Variants in FLG observed in about 807,000 individuals in gnomAD.
The protein encoded by FLG is epidermal filaggrin.
FLG carries 6 observed loss-of-function variants against 3.8 expected under a neutral mutation model. That is an observed-to-expected ratio of 1.60 (90% CI 0.87 to 3.15). The LOEUF (loss-of-function observed/expected upper bound fraction) is 3.15. Ranked by LOEUF, FLG falls within the 30% of genes most tolerant of loss-of-function variation. The pLI is 0.00. For synonymous variants in FLG, 2,551 were observed against 1,931.6 expected (o/e 1.32, Z -8.41); for missense variants, 7,595 against 5,050.9 (o/e 1.50, Z -15.27).
rs775764952 is a variant in FLG, at chr1:152,307,727, C to T, written c.7159G>A (p.Gly2387Arg). ...CTCTGCTGATGGGGCCCAGCCTGTC[C>T]GTGGGCTGACACTGACTGTGTGTCT... Reference protein sequence around the residue: ...DSDTQSVSAHGQAGPHQQSHQ... With the variant: ...DSDTQSVSAHRQAGPHQQSHQ... Residue 2387 changes from glycine (G) to arginine (R), a missense_variant, in exon 3 of 3, where the codon GGA becomes AGA. By Grantham distance (125) the Gly-to-Arg change is moderately radical (BLOSUM62 -2). Coordinates refer to ENST00000368799, the MANE Select transcript of FLG (RefSeq NM_002016.2). The T allele has an allele frequency of 1.4e-5, 23 of 1,613,274 alleles. No homozygotes were observed. The highest frequency in any genetic ancestry group is 3.3e-5 in the Admixed American group (2 of 59,930).
Position 152,304,823 on chromosome 1 carries a change from C to A in FLG, c.10063G>T (p.Val3355Leu), listed in dbSNP as rs1570895647. 1.2e-6 allele frequency: 2 copies of A among 1,613,836 alleles called. No individual in the cohort carries two copies. Among genetic ancestry groups the A allele is most frequent in the Non-Finnish European group, 1.7e-6 (2 of 1,180,006 alleles). The part of the protein sequence containing the change: ...GHSEESDTQS[V>L]SGHGQAGPHQ... ...GGCCCAGCCTGTCCATGGCCTGACA[C>A]TGACTGTGTGTCTGACTCTTCTGAA... Residue 3355 changes from valine to leucine, a missense_variant, in exon 3 of 3, where the codon GTG becomes TTG. By Grantham distance (32) the Val-to-Leu change is conservative. Transcript: ENST00000368799.
rs961085366 is a variant in FLG at position 152,312,375 on chromosome 1, A to T, written c.2511T>A (p.Gly837=). Residue 837 remains glycine, a synonymous_variant, in exon 3 of 3, where the codon GGT becomes GGA. Transcript: ENST00000368799. ...CCGGGTGTCCACGAATGGTGTCCTG[A>T]CCATCTTGGGATGCTGAGTGCCTGG... ...DNSRHSASQD[G]QDTIRGHPGS... 6.2e-7 allele frequency: 1 copy of T among 1,611,818 alleles called. No individual in the cohort carries two copies.
In FLG at chr1:152,314,034, C is replaced by T. The variant is rs1291664152; in HGVS notation, c.852G>A (p.Leu284=). Residue 284 remains leucine, a synonymous_variant, in exon 3 of 3, where the codon TTG becomes TTA. Coordinates refer to ENST00000368799, the MANE Select transcript of FLG (RefSeq NM_002016.2). ...SRHENTSQVP[L]QESRTRKRRG... ...TACGCTTTCTTGTCCTGGACTCCTG[C>T]AATGGTACCTGGCTTGTATTTTCAT... The T allele has an allele frequency of 6.2e-7, 1 of 1,614,210 alleles. No homozygotes were observed. Among genetic ancestry groups the T allele is most frequent in the Admixed American group, 1.7e-5 (1 of 60,022 alleles).
Position 152,307,085 on chromosome 1 carries a change from C to T in FLG, c.7801G>A (p.Asp2601Asn), listed in dbSNP as rs146849256. ...HHGSAQEQLR[D>N]GSRHPRSHQE... ...TGGGACCTGGGGTGTCTGGAGCCATCTCTTAGCTGCTCCTGAGCAGATCCA... is the reference window on the plus strand; with the variant it reads ...TGGGACCTGGGGTGTCTGGAGCCATTTCTTAGCTGCTCCTGAGCAGATCCA... Residue 2601 changes from aspartate to asparagine, a missense_variant, in exon 3 of 3, where the codon GAT (aspartate) becomes AAT (asparagine). By Grantham distance (23) the Asp-to-Asn change is conservative (BLOSUM62 1). Transcript: ENST00000368799. The T allele has an allele frequency of 1.6e-3, 2,643 of 1,610,448 alleles. 4 individuals are homozygous for T. The highest frequency in any genetic ancestry group is 2.1e-3 in the Non-Finnish European group (2,462 of 1,179,674).
chr1:152,314,829 A>G, intron 2 of FLG, 82 bp from the exon 3 acceptor site: 12 of 1,566,774 alleles, frequency 7.7e-6, no homozygotes, highest in East Asian at 2.2e-5. Context: ...TAATTTAAGG[A>G]ACCTGATCTT....
rs1652083853 is a variant in FLG, at chr1:152,307,806, G to C, written c.7080C>G (p.His2360Gln). The change falls in exon 3 of 3, where the codon CAC (histidine) becomes CAG (glutamine). Residue 2360 changes from histidine to glutamine, a missense_variant. Physicochemically the swap from His to Gln is conservative, Grantham distance 24. Coordinates refer to ENST00000368799, the MANE Select transcript of FLG (RefSeq NM_002016.2). Reference sequence around the variant, plus strand: ...TGGCCTGACTACCACTGGACCCTCGGTGTCCACTGTCTCTGACTGCAGATG... The same window carrying C: ...TGGCCTGACTACCACTGGACCCTCGCTGTCCACTGTCTCTGACTGCAGATG... ...QASSAVRDSG[H>Q]RGSSGSQASD... is the part of the protein sequence containing the mutation. 1.9e-6 allele frequency: 3 copies of C among 1,613,334 alleles called. No homozygotes were observed. The highest frequency in any genetic ancestry group is 2.7e-5 in the African/African-American group (2 of 74,646).
rs967493717 is a variant in FLG, at chr1:152,313,282, G to T, written c.1604C>A (p.Ser535Ter). The T allele has an allele frequency of 1.2e-6, 2 of 1,613,658 alleles. No homozygotes were observed. The highest frequency in any genetic ancestry group is 1.7e-6 in the Non-Finnish European group (2 of 1,179,974). ...ACCTGAGTGTCCAGACCTATTTACC[G>T]ATTGCTCGTGGTGGGATCCCTGCCT... ...GGRQGSHHEQSVNRSGHSGSH... is the reference protein window; with the variant it reads ...GGRQGSHHEQ The change falls in exon 3 of 3, where the codon TCG becomes TAG. Residue 535 changes from serine to a stop codon, truncating the protein, a stop_gained. Coordinates refer to ENST00000368799, the MANE Select transcript of FLG (RefSeq NM_002016.2). LOFTEE classifies it low-confidence loss of function (END_TRUNC).
At position 152,308,605 on chromosome 1, in the gene FLG, A is replaced by C. The variant is rs760572823; in HGVS notation, c.6281T>G (p.Val2094Gly). 1.3e-5 allele frequency: 21 copies of C among 1,613,770 alleles called. No individual in the cohort carries two copies. In the South Asian group the frequency reaches 2.2e-4, roughly 17 times the overall value. ...GGACTCAGACTGTTCATGAGTGCTC[A>C]CCTGGTAGAGGAAAGACCCTGAACG... ...SGRSGSFLYQ[V>G]STHEQSESTH... Residue 2094 changes from valine to glycine, a missense_variant, in exon 3 of 3, where the codon GTG (valine) becomes GGG (glycine). Coordinates refer to ENST00000368799, the MANE Select transcript of FLG (RefSeq NM_002016.2).
Position 152,312,673 on chromosome 1 carries a change from C to T in FLG, c.2213G>A (p.Gly738Glu). 1 of 1,614,012 alleles carries T rather than the reference C, an allele frequency of 6.2e-7. No individual in the cohort carries two copies. The highest frequency in any genetic ancestry group is 8.5e-7 in the Non-Finnish European group (1 of 1,180,016). Residue 738 changes from glycine (G) to glutamate (E), a missense_variant, in exon 3 of 3, where the codon GGA becomes GAA. Transcript: ENST00000368799. ...CTGACTACCACTGGACCCTCGGTGT[C>T]CACTGTCTCTGACTGCAGATGAAGC... ...GQASSAVRDSGHRGSSGSQAT... is the reference protein window; with the variant it reads ...GQASSAVRDSEHRGSSGSQAT...
Position 152,311,598 on chromosome 1 carries a change from C to T in FLG, c.3288G>A (p.Gln1096=). Residue 1096 remains glutamine (Q), a synonymous_variant, in exon 3 of 3, where the codon CAG becomes CAA. Transcript: ENST00000368799. The stretch of plus-strand genomic sequence containing the variant: ...CACGTGCGGACTCTTGGTGGCTCTG[C>T]TGATGGGGCCCATCCTGTCCATGGC... ...VSGHGQDGPH[Q]QSHQESARDW... 6.2e-7 allele frequency: 1 copy of T among 1,614,106 alleles called. No homozygotes were observed. The highest frequency in any genetic ancestry group is 8.5e-7 in the Non-Finnish European group (1 of 1,180,012).
In FLG at chr1:152,310,082, C is replaced by T. The variant is rs765800064; in HGVS notation, c.4804G>A (p.Gly1602Arg). 2.5e-6 allele frequency: 4 copies of T among 1,613,896 alleles called. 1 individual carries two copies. Among genetic ancestry groups the T allele is most frequent in the South Asian group, 2.2e-5 (2 of 91,070 alleles). Residue 1602 changes from glycine to arginine, a missense_variant, in exon 3 of 3, where the codon GGA (glycine) becomes AGA (arginine). Physicochemically the swap from Gly to Arg is moderately radical, Grantham distance 125 (BLOSUM62 -2). Coordinates refer to ENST00000368799, the MANE Select transcript of FLG (RefSeq NM_002016.2). ...CGCCTCTCAGAGTCTTCTGAGTGTC[C>T]CTCACTGTCCCTGTCCTGACTAACA... ...SSVSQDRDSE[G>R]HSEDSERRSE...
At position 152,313,618 on chromosome 1, in the gene FLG, C is replaced by T. The variant is rs754391618; in HGVS notation, c.1268G>A (p.Ser423Asn). The T allele has an allele frequency of 6.2e-7, 1 of 1,614,040 alleles. No homozygotes were observed. The highest frequency in any genetic ancestry group is 8.5e-7 in the Non-Finnish European group (1 of 1,179,986). Reference sequence around the variant, plus strand: ...GTTTTCTGAATGTCCCTCACTGTCACTGGCCTGACTACCGCTAGACCCCCG... The same window carrying T: ...GTTTTCTGAATGTCCCTCACTGTCATTGGCCTGACTACCGCTAGACCCCCG... ...GHRGSSGSQA[S>N]DSEGHSENSD... The change falls in exon 3 of 3, where the codon AGT (serine) becomes AAT (asparagine). Residue 423 changes from serine to asparagine, a missense_variant. By Grantham distance (46) the Ser-to-Asn change is conservative. Transcript: ENST00000368799.
rs1470787265 is a variant in FLG, at chr1:152,310,031, A to G, written c.4855T>C (p.Tyr1619His). 6 of 1,612,374 alleles carry G rather than the reference A, an allele frequency of 3.7e-6. No homozygotes were observed. The highest frequency in any genetic ancestry group is 5.1e-6 in the Non-Finnish European group (6 of 1,179,708). Reference sequence around the variant, plus strand: ...CTTGACTGCTCCCGAGCAGATCCATAATGGTTTCTGGAAGCCGACTCAGAC... The same window carrying G: ...CTTGACTGCTCCCGAGCAGATCCATGATGGTTTCTGGAAGCCGACTCAGAC... Reference protein sequence around the residue: ...RRSESASRNHYGSAREQSRHG... With the variant: ...RRSESASRNHHGSAREQSRHG... Residue 1619 changes from tyrosine to histidine, a missense_variant, in exon 3 of 3, where the codon TAT becomes CAT. Physicochemically the swap from Tyr to His is moderately conservative, Grantham distance 83 (BLOSUM62 2). Transcript: ENST00000368799.
Position 152,312,152 on chromosome 1 carries a change from G to T in FLG, c.2734C>A (p.Arg912Ser). The T allele has an allele frequency of 6.2e-7, 1 of 1,614,006 alleles. No individual in the cohort carries two copies. Among genetic ancestry groups the T allele is most frequent in the Non-Finnish European group, 8.5e-7 (1 of 1,180,016 alleles). ...GCATGAGAGGAAGCTTCATGGTGACGTGACCCTGAGTGCCTGGAGCCGTCT... is the reference window on the plus strand; with the variant it reads ...GCATGAGAGGAAGCTTCATGGTGACTTGACCCTGAGTGCCTGGAGCCGTCT... The part of the protein sequence containing the change: ...SRDGSRHSGS[R>S]HHEASSHADI... Residue 912 changes from arginine to serine, a missense_variant, in exon 3 of 3, where the codon CGT (arginine) becomes AGT (serine). Transcript: ENST00000368799.
At position 152,307,918 on chromosome 1, in the gene FLG, C is replaced by T; in HGVS notation, c.6968G>A (p.Arg2323Lys). 1 of 1,613,610 alleles carries T rather than the reference C, an allele frequency of 6.2e-7. No individual in the cohort carries two copies. Among genetic ancestry groups the T allele is most frequent in the Non-Finnish European group, 8.5e-7 (1 of 1,179,812 alleles). Reference sequence around the variant, plus strand: ...TCCGTGTCTCTCTCCTGCACTTGATCTTGCCTGTTCATGGGATGATGCAGC... The same window carrying T: ...TCCGTGTCTCTCTCCTGCACTTGATTTTGCCTGTTCATGGGATGATGCAGC... ...GQAASSHEQA[R>K]SSAGERHGSH... Residue 2323 changes from arginine (R) to lysine (K), a missense_variant, in exon 3 of 3, where the codon AGA becomes AAA. Coordinates refer to ENST00000368799, the MANE Select transcript of FLG (RefSeq NM_002016.2).
rs140004568 is a variant in FLG, at chr1:152,312,511, G to T, written c.2375C>A (p.Ser792Tyr). The change falls in exon 3 of 3, where the codon TCT becomes TAT. Residue 792 changes from serine (S) to tyrosine (Y), a missense_variant. Transcript: ENST00000368799. ...ATGAGTGCTCACCTGGTAGAGGAAA[G>T]ACCCTGAACGTCGAGACCTTTCCCC... ...RSGERSRRSG[S>Y]FLYQVSTHKQ... 1.2e-6 allele frequency: 2 copies of T among 1,613,484 alleles called. No homozygotes were observed. The highest frequency in any genetic ancestry group is 1.6e-4 in the Middle Eastern group (1 of 6,082).
At position 152,312,472 on chromosome 1, in the gene FLG, G is replaced by T. The variant is rs72698904; in HGVS notation, c.2414C>A (p.Ser805Tyr). ...GCTGGGCCCTGTCCATCCATGGGAG[G>T]ACTCAGACTGTTTATGAGTGCTCAC... Reference protein sequence around the residue: ...YQVSTHKQSESSHGWTGPSTG... With the variant: ...YQVSTHKQSEYSHGWTGPSTG... Residue 805 changes from serine (S) to tyrosine (Y), a missense_variant, in exon 3 of 3, where the codon TCC becomes TAC. By Grantham distance (144) the Ser-to-Tyr change is moderately radical. Transcript: ENST00000368799. The T allele has an allele frequency of 6.2e-7, 1 of 1,613,622 alleles. No individual in the cohort carries two copies.
rs1369550382 is a variant in FLG at position 152,304,303 on chromosome 1, C to G, written c.10583G>C (p.Gly3528Ala). ...TCCCTGGTTCCTGCTTGTCCTGGGC[C>G]CCGCTGATTGTCCCTGGCCGGACTG... ...HSQSGQGQSA[G>A]PRTSRNQGSS... is the part of the protein sequence containing the mutation. Residue 3528 changes from glycine (G) to alanine (A), a missense_variant, in exon 3 of 3, where the codon GGG becomes GCG. Transcript: ENST00000368799. 1.2e-6 allele frequency: 2 copies of G among 1,612,154 alleles called. No homozygotes were observed. Among genetic ancestry groups the G allele is most frequent in the Admixed American group, 3.3e-5 (2 of 59,842 alleles).
In FLG at chr1:152,313,888, G is replaced by A. The variant is rs772522029; in HGVS notation, c.998C>T (p.Ser333Phe). 2.3e-5 allele frequency: 37 copies of A among 1,613,858 alleles called. No individual in the cohort carries two copies. The Admixed American group carries it at 2.3e-4, about 10-fold the overall frequency. The stretch of plus-strand genomic sequence containing the variant: ...TTCATCATGGGACCTGGGGTGTCTG[G>A]AGCCATCTCTTGACTGCTCCCACGC... ...GSAWEQSRDG[S>F]RHPRSHDEDR... The change falls in exon 3 of 3, where the codon TCC (serine) becomes TTC (phenylalanine). Residue 333 changes from serine to phenylalanine, a missense_variant. Transcript: ENST00000368799.
Sources: allele counts gnomAD v4.1 joint callset, GRCh38; gene constraint gnomAD v4.1.1; transcripts MANE v1.5; gene names NCBI Gene and HGNC (gene_info 2026-07-23, HGNC 2026-07-21).